The following LRRK1 variants were observed in gnomAD, a reference collection of about 807,000 sequenced individuals.
LRRK1 encodes leucine rich repeat kinase 1.
Under a neutral mutation model 209.1 loss-of-function variants are expected in LRRK1, and 113 were observed. That is an observed-to-expected ratio of 0.54 (90% CI 0.46 to 0.63). LRRK1 has a LOEUF of 0.63. LRRK1 is among the 30% of genes least tolerant of loss of function. The pLI is 0.00. For synonymous variants in LRRK1, 1,144 were observed against 1,099.7 expected, an observed-to-expected ratio of 1.04 and a Z score of -0.80; for missense variants, 2,284 against 2,632.2, an observed-to-expected ratio of 0.87 and a Z score of 2.89.
chr15:100,991,609 T>C (rs1420759414), intron 6 of LRRK1, among the ~76,000 whole-genome samples: 6 of 152,200 alleles, frequency 3.9e-5, no homozygotes, highest in African/African-American at 1.2e-4. Flanking sequence ...TCTAATGTAG[T>C]TTTTACTAGA....
intron 6 of LRRK1, among the ~76,000 whole-genome samples, chr15:101,004,620 A>T (rs1241096790): frequency 6.6e-6 from 1 of 152,216 alleles, no homozygotes; most frequent in Non-Finnish European, 1.5e-5. Flanking sequence ...CACACAGATC[A>T]GTGGAGAGGT....
chr15:100,928,690 T>C (rs1807653550), intron 2 of LRRK1, among the ~76,000 whole-genome samples: 1 of 152,194 alleles, frequency 6.6e-6, no homozygotes, highest in African/African-American at 2.4e-5. Context: ...TAATGGTATT[T>C]TTAATTTTTT....
intron 2 of LRRK1, among the ~76,000 whole-genome samples, chr15:100,957,991 G>A (rs915511145): frequency 6.6e-6 from 1 of 152,220 alleles, no homozygotes. Context: ...TCAGCCTCCT[G>A]AGTAGCTGGG....
intron 27 of LRRK1, among the ~76,000 whole-genome samples, chr15:101,056,428 G>A (rs150476005): frequency 2.0e-5 from 3 of 150,388 alleles, no homozygotes; most frequent in East Asian, 1.9e-4. Context: ...AGGATGGATC[G>A]ATGGATAGAT....
intron 2 of LRRK1, among the ~76,000 whole-genome samples, chr15:100,929,928 C>G (rs1459206737): frequency 6.6e-6 from 1 of 152,254 alleles, no homozygotes; most frequent in African/African-American, 2.4e-5. Context: ...ATGCAGGTGG[C>G]AGTTAGCACA....
chr15:100,919,716 G>A lies in LRRK1; in HGVS notation c.-123+265G>A, dbSNP rs967752315. ...GCGCCCGGAGCCCAGCCAGCCTGTG[G>A]GAGGGGAGCGCGCGGGGCCCGAGCA... On this transcript the variant is annotated intron_variant, in intron 1 of 33. Coordinates refer to ENST00000388948, the MANE Select transcript of LRRK1 (RefSeq NM_024652.6). The surrounding 1 kb of genome is among the most constrained non-coding windows in gnomAD (Gnocchi z 5.8). 5.3e-5 allele frequency among the ~76,000 whole-genome samples: 8 copies of A among 152,222 alleles called. No homozygotes were observed. Among genetic ancestry groups the A allele is most frequent in the East Asian group, 1.9e-4 (1 of 5,170 alleles).
intron 2 of LRRK1, among the ~76,000 whole-genome samples, chr15:100,942,216 G>A (rs2042452696): frequency 6.6e-6 from 1 of 152,206 alleles, no homozygotes; most frequent in African/African-American, 2.4e-5. Context: ...ACAGTCGGAA[G>A]GAACCGGGTT....
chr15:101,056,805 G>A, intron 27 of LRRK1, 51 bp from the exon 28 acceptor site: 1 of 1,472,068 alleles, frequency 6.8e-7, no homozygotes, highest in Non-Finnish European at 9.1e-7. Flanking sequence ...GCCACCTTGT[G>A]AAGGCCACTG....
intron 29 of LRRK1, among the ~76,000 whole-genome samples, chr15:101,059,019 T>C (rs2035994935): frequency 6.6e-6 from 1 of 152,174 alleles, no homozygotes. Context: ...GGTCAGTCTT[T>C]GTGAGTTTGC....
chr15:101,017,457 G>A (rs951431161), intron 12 of LRRK1, among the ~76,000 whole-genome samples: 2 of 152,234 alleles, frequency 1.3e-5, no homozygotes, highest in African/African-American at 4.8e-5. Flanking sequence ...GCGCCCCCCA[G>A]GAAGCGAACC....
In LRRK1 at chr15:101,056,885, C is replaced by G; in HGVS notation, c.4362C>G (p.Leu1454=). 1.2e-6 allele frequency: 2 copies of G among 1,612,884 alleles called. No homozygotes were observed. The change falls in exon 28 of 34, where the codon CTC becomes CTG. Residue 1454 remains leucine (L), a synonymous_variant. Transcript: ENST00000388948. ...KVDMFSYGMV[L]YELLSGQRPA... ...ATATGTTCTCCTATGGAATGGTGCT[C>G]TACGAGTTGCTGTCAGGACAGCGCC...
intron 3 of LRRK1, among the ~76,000 whole-genome samples, chr15:100,980,304 C>T (rs556398133): frequency 6.6e-6 from 1 of 151,122 alleles, no homozygotes; most frequent in East Asian, 1.9e-4. Flanking sequence ...AAAAAAAAGC[C>T]AATCTCAAAA....
intron 2 of LRRK1, among the ~76,000 whole-genome samples, chr15:100,940,318 C>A (rs970899975): frequency 2.6e-5 from 4 of 152,140 alleles, no homozygotes; most frequent in Non-Finnish European, 5.9e-5. Context: ...AGTATCCTGT[C>A]ACTTCTGAGG....
chr15:101,068,607 A>G, intron 33 of LRRK1, 64 bp from the exon 34 acceptor site: 4 of 1,460,610 alleles, frequency 2.7e-6, no homozygotes, highest in Non-Finnish European at 2.8e-6. Flanking sequence ...GCACAGGGGG[A>G]GGGTCCCAAC....
chr15:101,027,827 G>A lies in LRRK1; in HGVS notation c.2686+30G>A, dbSNP rs768023834. ...GTGGGGCTGGGGTAGGTGGCAGGGT[G>A]CCCGTGAGAAATGGAACTGTCTGTA... On this transcript the variant is annotated intron_variant, in intron 19 of 33. Transcript: ENST00000388948. This position sits in a 1 kb window ranked among gnomAD's most constrained non-coding sequence, Gnocchi z 5.1. The A allele has an allele frequency of 9.1e-6, 14 of 1,536,874 alleles. No individual in the cohort carries two copies. Among genetic ancestry groups the A allele is most frequent in the Middle Eastern group, 1.7e-4 (1 of 5,880 alleles).
intron 22 of LRRK1, 63 bp from the exon 23 acceptor site, chr15:101,049,581 A>G (rs1198221971): frequency 5.7e-6 from 9 of 1,573,924 alleles, no homozygotes; most frequent in Non-Finnish European, 8.6e-7. Flanking sequence ...GGGGGTAGGG[A>G]TATCATCCCA....
chr15:100,948,160 G>A (rs1380161036), intron 2 of LRRK1, among the ~76,000 whole-genome samples: 1 of 152,160 alleles, frequency 6.6e-6, no homozygotes, highest in African/African-American at 2.4e-5. Flanking sequence ...CCCAAAGCCA[G>A]CTTGTCTTGT....
intron 2 of LRRK1, among the ~76,000 whole-genome samples, chr15:100,948,883 A>T (rs2042592880): frequency 6.6e-6 from 1 of 152,212 alleles, no homozygotes; most frequent in African/African-American, 2.4e-5. Context: ...CAGTGCTCAG[A>T]GTAAAATTTA....
At chr15:101,043,601 G>C (rs1356215744) in intron 20 of LRRK1, 1 of 131,434 alleles carries the variant, frequency 7.6e-6, no homozygotes, top group Non-Finnish European at 1.6e-5. Flanking sequence ...AAACGTACAC[G>C]TATTTATAAT....
Sources: allele counts gnomAD v4.1 joint callset (sites outside exome capture counted in the v4.1 genomes callset), GRCh38; gene constraint gnomAD v4.1.1; non-coding constraint Gnocchi (gnomAD v3.1); transcripts MANE v1.5; gene names NCBI Gene and HGNC (gene_info 2026-07-23, HGNC 2026-07-21).